PIKFYVE: variants seen among roughly 807,000 people sequenced by gnomAD.
PIKFYVE encodes 1-phosphatidylinositol 3-phosphate 5-kinase.
PIKFYVE carries 122 observed loss-of-function variants against 257.9 expected under a neutral mutation model. The ratio of observed to expected loss-of-function variants is 0.47; its 90% confidence interval spans 0.41 to 0.55. The LOEUF (loss-of-function observed/expected upper bound fraction) is 0.55. Among genes scored for constraint, PIKFYVE ranks in the 20% least tolerant of loss-of-function variants. The pLI, the probability that PIKFYVE is intolerant of heterozygous loss-of-function variation, is 0.00. For missense variants in PIKFYVE, 2,160 were observed against 2,536.6 expected (o/e 0.85, Z 3.19); for synonymous variants, 892 against 868.9 (o/e 1.03, Z -0.47).
intron 1 of PIKFYVE, among the ~76,000 whole-genome samples, chr2:208,268,720 T>C (rs1190604063): frequency 6.6e-6 from 1 of 152,044 alleles, no homozygotes; most frequent in African/African-American, 2.4e-5. Flanking sequence ...GTGGAAGATA[T>C]TAGAAACCTT....
chr2:208,318,720 C>T (rs556921061), intron 16 of PIKFYVE, among the ~76,000 whole-genome samples: 36 of 152,068 alleles, frequency 2.4e-4, no homozygotes, highest in African/African-American at 7.7e-4. Context: ...TTTGGGAGGC[C>T]GAGGCTGGCA....
intron 9 of PIKFYVE, 78 bp downstream of exon 9, chr2:208,301,172 C>A: frequency 1.3e-6 from 2 of 1,554,248 alleles, no homozygotes; most frequent in Non-Finnish European, 1.8e-6. Context: ...GTAAGAGTTA[C>A]AGATTTCTTT....
intron 3 of PIKFYVE, chr2:208,274,008 T>C (rs1234601983): frequency 2.5e-6 from 4 of 1,611,184 alleles, no homozygotes; most frequent in East Asian, 2.2e-5. Flanking sequence ...ATTACTTGCT[T>C]GGGTTTCAGC....
chr2:208,348,160 TGGTAGA>T lies in PIKFYVE; in HGVS notation c.5374+139_5374+144del, dbSNP rs999820653. ...TTCCCTCTGTTCTCACTTGTCAGTG[TGGTAGA>T]GTGGAAAAAGCATGGCACTGGGAGA... On this transcript the variant is annotated intron_variant, in intron 35 of 41. Transcript: ENST00000264380. 45 of 1,137,554 alleles carry T rather than the reference TGGTAGA, an allele frequency of 4.0e-5. No homozygotes were observed. The African/African-American group carries it at 5.9e-4, about 15-fold the overall frequency. 70.5% of individuals were successfully genotyped at this position (1,137,554 alleles called of 1,614,324 possible).
At chr2:208,310,249 A>G (rs1019379097) in intron 12 of PIKFYVE, among the ~76,000 whole-genome samples, 2 of 152,198 alleles carry the variant, frequency 1.3e-5, no homozygotes, top group African/African-American at 4.8e-5. Flanking sequence ...ATAAATACAA[A>G]TGGGAATGGT....
intron 16 of PIKFYVE, among the ~76,000 whole-genome samples, chr2:208,318,233 T>TA (rs1333637835): frequency 1.3e-5 from 2 of 152,208 alleles, no homozygotes; most frequent in African/African-American, 4.8e-5. Flanking sequence ...CTGATCCTGT[T>TA]ACGTCTTAGG....
In PIKFYVE at chr2:208,326,038, C is replaced by G. The variant is rs763111855; in HGVS notation, c.3227C>G (p.Ser1076Cys). The G allele has an allele frequency of 1.2e-6, 2 of 1,614,182 alleles. No homozygotes were observed. Among genetic ancestry groups the G allele is most frequent in the Non-Finnish European group, 1.7e-6 (2 of 1,180,030 alleles). The change falls in exon 20 of 42, where the codon TCT becomes TGT. Residue 1076 changes from serine to cysteine, a missense_variant. By Grantham distance (112) the Ser-to-Cys change is moderately radical. Coordinates refer to ENST00000264380, the MANE Select transcript of PIKFYVE (RefSeq NM_015040.4). Reference protein sequence around the residue: ...FLLTEKGMRCSTRDYFAEQVY... With the variant: ...FLLTEKGMRCCTRDYFAEQVY... ...TTAACTGAAAAGGGGATGAGATGCT[C>G]TACCCGAGATTATTTTGCAGAGCAG...
chr2:208,289,620 C>T (rs868663790), intron 7 of PIKFYVE, among the ~76,000 whole-genome samples: 23 of 152,114 alleles, frequency 1.5e-4, no homozygotes, highest in Admixed American at 9.2e-4. Context: ...TTAGTAGAGA[C>T]GGGGTTTCAC....
intron 34 of PIKFYVE, 60 bp downstream of exon 34, chr2:208,346,207 A>T: frequency 7.5e-7 from 1 of 1,336,756 alleles, no homozygotes; most frequent in Non-Finnish European, 1.1e-6. Context: ...TGGTTTGAAA[A>T]AGAAAATACA....
intron 20 of PIKFYVE, 117 bp downstream of exon 20, chr2:208,326,546 TCTC>T (rs759174235): frequency 2.5e-5 from 28 of 1,120,084 alleles, no homozygotes; most frequent in Non-Finnish European, 3.3e-5. Flanking sequence ...AAATATTTCT[TCTC>T]CTATGCTATT....
Position 208,337,047 on chromosome 2 carries a change from C to G in PIKFYVE, c.4611+119C>G. 16 of 755,558 alleles carry G rather than the reference C, an allele frequency of 2.1e-5. No homozygotes were observed. In the South Asian group the frequency reaches 2.6e-4, roughly 12 times the overall value. The allele number at this position is 755,558 out of a possible 1,614,324, so 46.8% of individuals were successfully genotyped here. A position where few individuals can be genotyped will look rare whatever the true frequency, so the allele number is the denominator to read the frequency against. On this transcript the variant is annotated intron_variant, in intron 28 of 41. Coordinates refer to ENST00000264380, the MANE Select transcript of PIKFYVE (RefSeq NM_015040.4). ...TAGTAATGATATCCAGTAGGGTTTT[C>G]CATTTTGAATTTGTGAGGTTTCAAG...
intron 31 of PIKFYVE, among the ~76,000 whole-genome samples, chr2:208,340,798 A>G (rs1698621406): frequency 6.6e-6 from 1 of 152,192 alleles, no homozygotes. Context: ...TAAGATTTGT[A>G]AGGAACTGTC....
intron 15 of PIKFYVE, 37 bp from the exon 16 acceptor site, chr2:208,317,830 T>A (rs1695723981): frequency 6.6e-7 from 1 of 1,520,726 alleles, no homozygotes; most frequent in East Asian, 2.3e-5. Context: ...AAGCATGTTA[T>A]CATTGAATTT....
intron 7 of PIKFYVE, among the ~76,000 whole-genome samples, chr2:208,293,122 A>G (rs933200110): frequency 6.1e-5 from 9 of 148,406 alleles, no homozygotes; most frequent in Non-Finnish European, 3.0e-5. Context: ...TTTGCAATGT[A>G]ACTTACAACT....
intron 28 of PIKFYVE, among the ~76,000 whole-genome samples, 195 bp from the exon 29 acceptor site, chr2:208,338,313 T>C (rs1698364683): frequency 6.6e-6 from 1 of 152,190 alleles, no homozygotes; most frequent in African/African-American, 2.4e-5. Context: ...TAACTTTCTC[T>C]GTTTTAATTT....
At chr2:208,330,921 C>T (rs1866044) in intron 23 of PIKFYVE, among the ~76,000 whole-genome samples, 141,494 of 152,104 alleles carry the variant, frequency 0.93, 66,329 homozygotes, top group Non-Finnish European at 0.98. Context: ...TACAAGTGCC[C>T]TATACAGTAA....
chr2:208,329,798 G>C, intron 21 of PIKFYVE, 44 bp from the exon 22 acceptor site: 1 of 1,604,210 alleles, frequency 6.2e-7, no homozygotes, highest in South Asian at 1.1e-5. Flanking sequence ...ATGTCTCTGG[G>C]GCATGGTAAT....
intron 16 of PIKFYVE, 145 bp from the exon 17 acceptor site, chr2:208,320,105 AAG>A: frequency 8.3e-7 from 1 of 1,207,380 alleles, no homozygotes. Flanking sequence ...AATACCGTAA[AAG>A]AACTAAATGA....
intron 20 of PIKFYVE, 42 bp from the exon 21 acceptor site, chr2:208,328,138 G>GGTTGAATTCTGTGTTTTAA: frequency 6.2e-7 from 1 of 1,612,296 alleles, no homozygotes; most frequent in Non-Finnish European, 8.5e-7. Flanking sequence ...GGTTGAATGC[G>GGTTGAATTCTGTGTTTTAA]GTTGCAGTCA....
Sources: gnomAD v4.1 joint callset for allele counts (sites outside exome capture counted in the v4.1 genomes callset) on GRCh38, gnomAD v4.1.1 for gene constraint, MANE v1.5 for transcripts, NCBI Gene and HGNC (gene_info 2026-07-23, HGNC 2026-07-21) for gene names.